The following GCGR variants were observed in gnomAD, a reference collection of about 807,000 sequenced individuals.
The protein encoded by GCGR is glucagon receptor.
Under a neutral mutation model 56.1 loss-of-function variants are expected in GCGR, and 41 were observed. The ratio of observed to expected loss-of-function variants is 0.73; its 90% CI spans 0.57 to 0.95. The LOEUF is 0.95. GCGR is among the 40% of genes least tolerant of loss of function. GCGR has a pLI of 0.00. For missense variants in GCGR, 595 were observed against 638.2 expected, an observed-to-expected ratio of 0.93 and a Z score of 0.73; for synonymous variants, 278 against 271.1, an observed-to-expected ratio of 1.03 and a Z score of -0.25.
rs1331669976 is a variant in GCGR, at chr17:81,809,875, C to T, written c.154C>T (p.Pro52Ser). The T allele has an allele frequency of 6.5e-7, 1 of 1,536,076 alleles. No individual in the cohort carries two copies. The highest frequency in any genetic ancestry group is 8.7e-7 in the Non-Finnish European group (1 of 1,146,430). The change falls in exon 3 of 14, where the codon CCT becomes TCT. Residue 52 changes from proline to serine, a missense_variant. By Grantham distance (74) the Pro-to-Ser change is moderately conservative. Transcript: ENST00000400723. ...TCACCACAACCTGAGCCTGCTGCCCCCTCCCACGGGTGAGCCCCCCACCCA... is the reference window on the plus strand; with the variant it reads ...TCACCACAACCTGAGCCTGCTGCCCTCTCCCACGGGTGAGCCCCCCACCCA... ...QCHHNLSLLPPPTELVCNRTF... is the reference protein window; with the variant it reads ...QCHHNLSLLPSPTELVCNRTF...
At position 81,813,981 on chromosome 17, in the gene GCGR, C is replaced by G. The variant is rs2038160828; in HGVS notation, c.*292C>G. ...CACGTCCCATGTGCATGGAAATGTCCTCCAACAATAAAGAGCTCAAGTGGT... is the reference window on the plus strand; with the variant it reads ...CACGTCCCATGTGCATGGAAATGTCGTCCAACAATAAAGAGCTCAAGTGGT... On this transcript the variant is annotated 3_prime_UTR_variant, in exon 14 of 14. Transcript: ENST00000400723. The surrounding 1 kb of genome is among the most constrained non-coding windows in gnomAD (Gnocchi z 5.3). 1 of 467,418 alleles carries G rather than the reference C, an allele frequency of 2.1e-6. No homozygotes were observed. Among genetic ancestry groups the G allele is most frequent in the African/African-American group, 1.9e-5 (1 of 51,674 alleles). 29.0% of individuals were successfully genotyped at this position (467,418 alleles called of 1,614,324 possible).
Position 81,811,647 on chromosome 17 carries a change from C to T in GCGR, c.658-4C>T, listed in dbSNP as rs2143134954. 1 of 1,536,372 alleles carries T rather than the reference C, an allele frequency of 6.5e-7. No homozygotes were observed. The highest frequency in any genetic ancestry group is 8.7e-7 in the Non-Finnish European group (1 of 1,146,876). On this transcript the variant is annotated splice_polypyrimidine_tract_variant and splice_region_variant and intron_variant, in intron 7 of 13. Transcript: ENST00000400723. The surrounding 1 kb of genome is among the most constrained non-coding windows in gnomAD (Gnocchi z 5.8). The stretch of plus-strand genomic sequence containing the variant: ...TAGCCGCGCTCACACTGCACCTGTA[C>T]CAGGCGGTGGCTGGCTGCCGTGTGG...
At position 81,812,084 on chromosome 17, in the gene GCGR, T is replaced by C; in HGVS notation, c.879-99T>C. On this transcript the variant is annotated intron_variant, in intron 9 of 13. Transcript: ENST00000400723. This position sits in a 1 kb window ranked among gnomAD's most constrained non-coding sequence, Gnocchi z 8.5. ...TTTGTGACCTTCTCCCTTCCTTTTC[T>C]GAGACCCGAATTAGATCCTGGCAAA... 1 of 1,509,872 alleles carries C rather than the reference T, an allele frequency of 6.6e-7. No homozygotes were observed. Among genetic ancestry groups the C allele is most frequent in the Non-Finnish European group, 8.9e-7 (1 of 1,124,726 alleles). The allele number at this position is 1,509,872 out of a possible 1,614,324, so 93.5% of individuals were successfully genotyped here.
At position 81,813,199 on chromosome 17, in the gene GCGR, T is replaced by C. The variant is rs1001340323; in HGVS notation, c.1218+142T>C. ...AAGCCTTTCCCTCCCCCTGCTCTTA[T>C]TGGGTGCAGTTGCCATGGCGCTGGG... On this transcript the variant is annotated intron_variant, in intron 13 of 13. Coordinates refer to ENST00000400723, the MANE Select transcript of GCGR (RefSeq NM_000160.5). This position sits in a 1 kb window ranked among gnomAD's most constrained non-coding sequence, Gnocchi z 5.3. The C allele has an allele frequency of 4.0e-5, 52 of 1,315,190 alleles. No individual in the cohort carries two copies. The highest frequency in any genetic ancestry group is 3.6e-4 in the Admixed American group (18 of 50,462). The allele number at this position is 1,315,190 out of a possible 1,614,324, so 81.5% of individuals were successfully genotyped here. A position where few individuals can be genotyped will look rare whatever the true frequency, so the allele number is the denominator to read the frequency against.
rs2038070047 is a variant in GCGR at position 81,810,504 on chromosome 17, G to A, written c.164-321G>A. The A allele has an allele frequency of 4.2e-6, 2 of 477,220 alleles. No individual in the cohort carries two copies. The highest frequency in any genetic ancestry group is 3.4e-5 in the Admixed American group (1 of 29,270). The allele number at this position is 477,220 out of a possible 1,614,324, so 29.6% of individuals were successfully genotyped here. A position where few individuals can be genotyped will look rare whatever the true frequency, so the allele number is the denominator to read the frequency against. On this transcript the variant is annotated intron_variant, in intron 3 of 13. Transcript: ENST00000400723. The surrounding 1 kb of genome is among the most constrained non-coding windows in gnomAD (Gnocchi z 4.6). ...GGAGGTGCTGAGAGAAGGTCACGGA[G>A]AATGGGGGACCCCAGTGTGGGTTTG...
intron 2 of GCGR, among the ~76,000 whole-genome samples, chr17:81,809,353 GGCCTGCCT>G (rs986575732): frequency 4.4e-5 from 3 of 68,130 alleles, no homozygotes; most frequent in Non-Finnish European, 5.9e-5. Context: ...CCTGTCTGTC[GGCCTGCCT>G]GCCTGCCTGT....
Position 81,810,247 on chromosome 17 carries a change from G to T in GCGR, c.163+363G>T, listed in dbSNP as rs2038065256. 1.5e-5 allele frequency: 6 copies of T among 396,640 alleles called. No individual in the cohort carries two copies. Among genetic ancestry groups the T allele is most frequent in the South Asian group, 1.1e-4 (5 of 47,380 alleles). The allele number at this position is 396,640 out of a possible 1,614,324, so 24.6% of individuals were successfully genotyped here. On this transcript the variant is annotated intron_variant, in intron 3 of 13. Transcript: ENST00000400723. This position sits in a 1 kb window ranked among gnomAD's most constrained non-coding sequence, Gnocchi z 4.6. Reference sequence around the variant, plus strand: ...GGACCCAGGGGCCTGGGAGGGCTCGGGTGGAGAGTGTATATCATGGCCTGG... The same window carrying T: ...GGACCCAGGGGCCTGGGAGGGCTCGTGTGGAGAGTGTATATCATGGCCTGG...
intron 2 of GCGR, among the ~76,000 whole-genome samples, chr17:81,809,478 C>G (rs1247033918): frequency 9.1e-6 from 1 of 110,448 alleles, no homozygotes; most frequent in Admixed American, 9.3e-5. Context: ...TGCCTGTCTG[C>G]CTGCCTGTCC....
In GCGR at chr17:81,809,790, C is replaced by A; in HGVS notation, c.69C>A (p.Val23=). ...GTGCATGTGTCCCCCAGCCACAGGT[C>A]CCCTCCGCTCAGGTGATGGACTTCC... ...LLLLLACQPQ[V]PSAQVMDFLF... Residue 23 remains valine, a synonymous_variant, in exon 3 of 14, where the codon GTC becomes GTA. Coordinates refer to ENST00000400723, the MANE Select transcript of GCGR (RefSeq NM_000160.5). 6.5e-7 allele frequency: 1 copy of A among 1,536,050 alleles called. No individual in the cohort carries two copies. The highest frequency in any genetic ancestry group is 1.2e-5 in the South Asian group (1 of 84,054).
chr17:81,808,967 C>T lies in GCGR; in HGVS notation c.-52C>T, dbSNP rs1476482329. The T allele has an allele frequency of 3.9e-6, 6 of 1,532,728 alleles. No homozygotes were observed. Among genetic ancestry groups the T allele is most frequent in the Middle Eastern group, 1.7e-4 (1 of 5,762 alleles). 94.9% of individuals were successfully genotyped at this position (1,532,728 alleles called of 1,614,324 possible). On this transcript the variant is annotated 5_prime_UTR_variant, in exon 2 of 14. Transcript: ENST00000400723. ...TACACACCCACCAGGACTGCATTGC[C>T]CCAGCTGTGCAGCCCCTGCCAGATG...
chr17:81,808,780 A>G (rs572224262), intron 1 of GCGR, 62 bp from the exon 2 acceptor site: 15 of 576,764 alleles, frequency 2.6e-5, no homozygotes, highest in South Asian at 2.5e-4. Flanking sequence ...CGGCCTCCCA[A>G]AGTTCTGGGA....
In GCGR at chr17:81,813,835, C is replaced by T. The variant is rs996619448; in HGVS notation, c.*146C>T. 7 of 715,528 alleles carry T rather than the reference C, an allele frequency of 9.8e-6. No individual in the cohort carries two copies. The highest frequency in any genetic ancestry group is 2.7e-5 in the East Asian group (1 of 36,952). The allele number at this position is 715,528 out of a possible 1,614,324, so 44.3% of individuals were successfully genotyped here. Reference sequence around the variant, plus strand: ...CCCCCACCCCCAGTGTGGCTGTCTGCGAGATTGGGCCTCCTCTCCCTGCAC... The same window carrying T: ...CCCCCACCCCCAGTGTGGCTGTCTGTGAGATTGGGCCTCCTCTCCCTGCAC... On this transcript the variant is annotated 3_prime_UTR_variant, in exon 14 of 14. Coordinates refer to ENST00000400723, the MANE Select transcript of GCGR (RefSeq NM_000160.5). This position sits in a 1 kb window ranked among gnomAD's most constrained non-coding sequence, Gnocchi z 5.3.
rs1023393810 is a variant in GCGR, at chr17:81,810,996, C to T, written c.272-14C>T. ...CAGGGTGGGGCTGACCCCAGCCTCC[C>T]CCCACACCCCCAGTGCAACACCGCT... On this transcript the variant is annotated splice_polypyrimidine_tract_variant and intron_variant, in intron 4 of 13. Transcript: ENST00000400723. The surrounding 1 kb of genome is among the most constrained non-coding windows in gnomAD (Gnocchi z 4.6). 6.5e-7 allele frequency: 1 copy of T among 1,535,846 alleles called. No homozygotes were observed. The highest frequency in any genetic ancestry group is 8.7e-7 in the Non-Finnish European group (1 of 1,146,662).
Position 81,806,785 on chromosome 17 carries a change from TCC to T in GCGR, c.-177-2050_-177-2049del, listed in dbSNP as rs368616783. Among the ~76,000 whole-genome samples the T allele has an allele frequency of 1.4e-5, 2 of 143,530 alleles. No individual in the cohort carries two copies. The highest frequency in any genetic ancestry group is 3.1e-5 in the Non-Finnish European group (2 of 64,656). 94.2% of individuals were successfully genotyped at this position (143,530 alleles called of 152,430 possible). On this transcript the variant is annotated intron_variant, in intron 1 of 13. Transcript: ENST00000400723. The surrounding 1 kb of genome is among the most constrained non-coding windows in gnomAD (Gnocchi z 6.5). The stretch of plus-strand genomic sequence containing the variant: ...GTCCTCCCCCCAGGGTGAGCACGCG[TCC>T]CCCCCCACCCCCACTTCGAGGCGCC...
chr17:81,809,710 C>CCTGTCTGT, intron 2 of GCGR, 72 bp from the exon 3 acceptor site: 1 of 1,199,922 alleles, frequency 8.3e-7, no homozygotes. Context: ...TGCCTGTCTG[C>CCTGTCTGT]CTGTCTGTCT....
Position 81,808,903 on chromosome 17 carries a change from G to C in GCGR, c.-116G>C. On this transcript the variant is annotated 5_prime_UTR_variant, in exon 2 of 14. Transcript: ENST00000400723. The stretch of plus-strand genomic sequence containing the variant: ...CACCCCACTGGCCAGGACGCCCCAG[G>C]CTCTGCTGCTCTGCCACTCAGCTGC... The C allele has an allele frequency of 1.5e-6, 2 of 1,299,642 alleles. No homozygotes were observed. Among genetic ancestry groups the C allele is most frequent in the South Asian group, 2.5e-5 (2 of 78,944 alleles). 80.5% of individuals were successfully genotyped at this position (1,299,642 alleles called of 1,614,324 possible).
rs1555709465 is a variant in GCGR, at chr17:81,809,738, C to CCTGTCTGCCTGCCTGT, written c.61-37_61-36insCCTGCCTGTCTGTCTG. On this transcript the variant is annotated intron_variant, in intron 2 of 13. Coordinates refer to ENST00000400723, the MANE Select transcript of GCGR (RefSeq NM_000160.5). ...GTCTGTCTGCCTGTCTGTCTGCCTG[C>CCTGTCTGCCTGCCTGT]CTGTCTGTCTGTCTGTCTGGTTGCT... 10 of 1,423,206 alleles carry CCTGTCTGCCTGCCTGT rather than the reference C, an allele frequency of 7.0e-6. No individual in the cohort carries two copies. The Admixed American group carries it at 1.8e-4, about 25-fold the overall frequency. 88.2% of individuals were successfully genotyped at this position (1,423,206 alleles called of 1,614,324 possible). A position where few individuals can be genotyped will look rare whatever the true frequency, so the allele number is the denominator to read the frequency against.
At position 81,813,446 on chromosome 17, in the gene GCGR, G is replaced by C; in HGVS notation, c.1219-28G>C. ...GGTGGAGAGGACAGGCAGGCCCTAG[G>C]ACTGGCCTGCCCCGTCCCCCTCCCC... On this transcript the variant is annotated intron_variant, in intron 13 of 13. Transcript: ENST00000400723. This position sits in a 1 kb window ranked among gnomAD's most constrained non-coding sequence, Gnocchi z 5.3. The C allele has an allele frequency of 1.3e-6, 2 of 1,526,846 alleles. No homozygotes were observed. The highest frequency in any genetic ancestry group is 1.8e-6 in the Non-Finnish European group (2 of 1,140,480). The allele number at this position is 1,526,846 out of a possible 1,614,324, so 94.6% of individuals were successfully genotyped here.
In GCGR at chr17:81,806,642, T is replaced by G. The variant is rs542898164; in HGVS notation, c.-177-2200T>G. On this transcript the variant is annotated intron_variant, in intron 1 of 13. Coordinates refer to ENST00000400723, the MANE Select transcript of GCGR (RefSeq NM_000160.5). The surrounding 1 kb of genome is among the most constrained non-coding windows in gnomAD (Gnocchi z 6.5). ...GGGGGTGCTCCCAGTGGCTCTAGAG[T>G]CAACATGACAGGCATCGAATGGCTC... Among the ~76,000 whole-genome samples, 13 of 151,506 alleles carry G rather than the reference T, an allele frequency of 8.6e-5. No individual in the cohort carries two copies. In the South Asian group the frequency reaches 2.7e-3, roughly 32 times the overall value.
Sources: allele counts gnomAD v4.1 joint callset (sites outside exome capture counted in the v4.1 genomes callset), GRCh38; gene constraint gnomAD v4.1.1; non-coding constraint Gnocchi (gnomAD v3.1); transcripts MANE v1.5; gene names NCBI Gene and HGNC (gene_info 2026-07-23, HGNC 2026-07-21).